Variants in SCYL1 observed in about 807,000 individuals in gnomAD.
The protein encoded by SCYL1 is N-terminal kinase-like protein.
In SCYL1, 85 loss-of-function variants were observed where a neutral mutation model predicts 94.8. The ratio of observed to expected loss-of-function variants is 0.90; its 90% CI spans 0.75 to 1.07. The LOEUF is 1.07. SCYL1 is among the 50% of genes least tolerant of loss of function. The probability of loss-of-function intolerance (pLI) is 0.00; values close to 1 mark genes in which losing one functional copy is unlikely to be tolerated. For synonymous variants in SCYL1, 459 were observed against 435.5 expected (o/e 1.05, Z -0.67); for missense variants, 968 against 1,083.3 (o/e 0.89, Z 1.49).
In SCYL1 at chr11:65,536,249, T is replaced by C; in HGVS notation, c.1576-10T>C. 1.2e-6 allele frequency: 2 copies of C among 1,613,034 alleles called. No individual in the cohort carries two copies. The highest frequency in any genetic ancestry group is 1.7e-6 in the Non-Finnish European group (2 of 1,179,092). On this transcript the variant is annotated splice_polypyrimidine_tract_variant and intron_variant, in intron 11 of 17. Coordinates refer to ENST00000270176, the MANE Select transcript of SCYL1 (RefSeq NM_020680.4). The stretch of plus-strand genomic sequence containing the variant: ...CCCAGAGACCCCAGCTCTGCCTCGT[T>C]ACCCCACAGGCCTTCAAGGCCATTC...
chr11:65,538,334 T>G lies in SCYL1; in HGVS notation c.2302+10T>G. 6.5e-7 allele frequency: 1 copy of G among 1,545,640 alleles called. No individual in the cohort carries two copies. The highest frequency in any genetic ancestry group is 8.7e-7 in the Non-Finnish European group (1 of 1,143,526). ...CTCGAGACTGACAGTCGTAAGTGCTTCCCCTGGGTGGGCTGAAGACTAGGG... is the reference window on the plus strand; with the variant it reads ...CTCGAGACTGACAGTCGTAAGTGCTGCCCCTGGGTGGGCTGAAGACTAGGG... On this transcript the variant is annotated intron_variant, in intron 17 of 17. Transcript: ENST00000270176.
chr11:65,525,362 G>T (rs1395599989), intron 1 of SCYL1, 98 bp downstream of exon 1: 2 of 1,098,900 alleles, frequency 1.8e-6, no homozygotes, highest in African/African-American at 3.3e-5. Flanking sequence ...ACGTGGCGGC[G>T]GAACCAAGGG....
In SCYL1 at chr11:65,525,280, C is replaced by A. The variant is rs576324382; in HGVS notation, c.111+16C>A. On this transcript the variant is annotated intron_variant, in intron 1 of 17. Transcript: ENST00000270176. Reference sequence around the variant, plus strand: ...CCGCAAGAAGGTGAGTGCGGCCGAGCTCCGTAGGCCGCGGTCGACCTGGGC... The same window carrying A: ...CCGCAAGAAGGTGAGTGCGGCCGAGATCCGTAGGCCGCGGTCGACCTGGGC... The A allele has an allele frequency of 7.1e-7, 1 of 1,399,936 alleles. No individual in the cohort carries two copies. The highest frequency in any genetic ancestry group is 9.4e-7 in the Non-Finnish European group (1 of 1,066,686). The allele number at this position is 1,399,936 out of a possible 1,614,324, so 86.7% of individuals were successfully genotyped here.
intron 9 of SCYL1, 97 bp from the exon 10 acceptor site, chr11:65,535,130 T>C: frequency 1.3e-6 from 2 of 1,498,322 alleles, no homozygotes; most frequent in East Asian, 2.3e-5. Flanking sequence ...CAGGCTTTGA[T>C]GGGTGTGCTC....
intron 8 of SCYL1, 58 bp downstream of exon 8, chr11:65,531,741 G>T: frequency 7.6e-7 from 1 of 1,308,714 alleles, no homozygotes; most frequent in South Asian, 1.2e-5. Flanking sequence ...CTGGTGGCTG[G>T]GGAGGCACCT....
intron 2 of SCYL1, 60 bp from the exon 3 acceptor site, chr11:65,525,861 G>A: frequency 6.3e-7 from 1 of 1,589,406 alleles, no homozygotes; most frequent in South Asian, 1.1e-5. Flanking sequence ...ACTTCAAGTC[G>A]CTTATCTCTC....
chr11:65,529,104 C>T (rs2135046987), intron 6 of SCYL1, among the ~76,000 whole-genome samples: 1 of 152,274 alleles, frequency 6.6e-6, no homozygotes, highest in East Asian at 1.9e-4. Flanking sequence ...ACAGCGGGGG[C>T]TGAGAATCAG....
At chr11:65,535,799 G>A in intron 10 of SCYL1, 154 bp from the exon 11 acceptor site, 1 of 766,500 alleles carries the variant, frequency 1.3e-6, no homozygotes, top group South Asian at 2.0e-5. Flanking sequence ...CAGGTCCAGA[G>A]TTTTAGGTCA....
rs369392939 is a variant in SCYL1 at position 65,525,987 on chromosome 11, G to A, written c.319G>A (p.Val107Met). The A allele has an allele frequency of 6.2e-7, 1 of 1,613,482 alleles. No homozygotes were observed. Among genetic ancestry groups the A allele is most frequent in the Admixed American group, 1.7e-5 (1 of 60,024 alleles). The stretch of plus-strand genomic sequence containing the variant: ...GTTGGGAATATACCTCAAGGCGAGA[G>A]TGGAGGCTGGTGGCCTGAAGGAGCT... ...TPLGIYLKAR[V>M]EAGGLKELEI... The change falls in exon 3 of 18, where the codon GTG (valine) becomes ATG (methionine). Residue 107 changes from valine (V) to methionine (M), a missense_variant. Val to Met is a conservative substitution (Grantham distance 21). Around this residue, in one of 2 missense-constraint regions of SCYL1, gnomAD observed 494 missense variants for 619.7 expected, o/e 0.80. Transcript: ENST00000270176.
At position 65,526,569 on chromosome 11, in the gene SCYL1, A is replaced by G. The variant is rs749789970; in HGVS notation, c.603-214A>G. On this transcript the variant is annotated intron_variant, in intron 4 of 17. Transcript: ENST00000270176. This position sits in a 1 kb window ranked among gnomAD's most constrained non-coding sequence, Gnocchi z 4.1. ...GGGGTTGGGTGATTCTGAACTTGAA[A>G]GCTCTGTGACCTGGACAGATGTGCC... Among the ~76,000 whole-genome samples, 13 of 152,184 alleles carry G rather than the reference A, an allele frequency of 8.5e-5. No homozygotes were observed. The highest frequency in any genetic ancestry group is 3.4e-3 in the Middle Eastern group (1 of 294).
chr11:65,534,270 G>A (rs1362648248), intron 9 of SCYL1, among the ~76,000 whole-genome samples: 2 of 152,014 alleles, frequency 1.3e-5, no homozygotes, highest in Non-Finnish European at 2.9e-5. Flanking sequence ...AAATTAGCCA[G>A]GCATGGTGGT....
chr11:65,527,187 TACCTCACAATTG>T, intron 6 of SCYL1, 70 bp downstream of exon 6: 1 of 1,542,292 alleles, frequency 6.5e-7, no homozygotes, highest in Middle Eastern at 1.7e-4. Context: ...CTTTTCAGGG[TACCTCACAATTG>T]ACCCTCAGGA....
chr11:65,538,060 C>G lies in SCYL1; in HGVS notation c.2125C>G (p.Pro709Ala). Reference sequence around the variant, plus strand: ...CTCCTGGGAACAGGGCTGGCAGGAGCCAAGCTCCCAGGAGCCACCTCCTGA... The same window carrying G: ...CTCCTGGGAACAGGGCTGGCAGGAGGCAAGCTCCCAGGAGCCACCTCCTGA... ...EGSWEQGWQE[P>A]SSQEPPPDGT... is the part of the protein sequence containing the mutation. Residue 709 changes from proline (P) to alanine (A), a missense_variant, in exon 16 of 18, where the codon CCA (proline) becomes GCA (alanine). By Grantham distance (27) the Pro-to-Ala change is conservative (BLOSUM62 -1). This residue lies in a region of SCYL1 where 474 missense variants were observed against 463.6 expected (regional missense o/e 1.02). Coordinates refer to ENST00000270176, the MANE Select transcript of SCYL1 (RefSeq NM_020680.4). 2 of 1,609,414 alleles carry G rather than the reference C, an allele frequency of 1.2e-6. No homozygotes were observed. Among genetic ancestry groups the G allele is most frequent in the Non-Finnish European group, 1.7e-6 (2 of 1,178,352 alleles).
chr11:65,525,486 G>C (rs1377394274), intron 1 of SCYL1, 88 bp from the exon 2 acceptor site: 1 of 1,516,954 alleles, frequency 6.6e-7, no homozygotes, highest in Non-Finnish European at 8.9e-7. Context: ...CCCTAAGGCT[G>C]ACCTGGGGAG....
chr11:65,537,989 C>T lies in SCYL1; in HGVS notation c.2054C>T (p.Ser685Phe). The T allele has an allele frequency of 6.2e-7, 1 of 1,612,246 alleles. No homozygotes were observed. Among genetic ancestry groups the T allele is most frequent in the East Asian group, 2.2e-5 (1 of 44,790 alleles). The change falls in exon 16 of 18, where the codon TCC (serine) becomes TTC (phenylalanine). Residue 685 changes from serine to phenylalanine, a missense_variant. By Grantham distance (155) the Ser-to-Phe change is radical. Transcript: ENST00000270176. Reference protein sequence around the residue: ...ASQVSNSDHKSSKSPESDWSS... With the variant: ...ASQVSNSDHKFSKSPESDWSS... ...CAGGTCAGCAACTCCGACCACAAAT[C>T]CTCCAAATCCCCAGAGTCCGACTGG...
chr11:65,532,447 T>TA (rs1195744574), intron 8 of SCYL1, among the ~76,000 whole-genome samples: 1 of 119,438 alleles, frequency 8.4e-6, no homozygotes, highest in Non-Finnish European at 1.8e-5. Flanking sequence ...AAAAAAAAAA[T>TA]AGAAGAGGCT....
At chr11:65,529,036 G>C (rs1855235683) in intron 6 of SCYL1, among the ~76,000 whole-genome samples, 1 of 152,190 alleles carries the variant, frequency 6.6e-6, no homozygotes, top group African/African-American at 2.4e-5. Flanking sequence ...TTGCTGTAGG[G>C]AGGAGGGAGG....
rs576776296 is a variant in SCYL1 at position 65,538,134 on chromosome 11, C to T, written c.2199C>T (p.Ser733=). Residue 733 remains serine, a synonymous_variant, in exon 16 of 18, where the codon AGC becomes AGT. Coordinates refer to ENST00000270176, the MANE Select transcript of SCYL1 (RefSeq NM_020680.4). ...ATAACTGGGGTGGCCCAGAGTCCAG[C>T]GACAAGGGCGACCCCTTCGCTACCC... ...SEYNWGGPES[S]DKGDPFATLS... 719 of 1,600,716 alleles carry T rather than the reference C, an allele frequency of 4.5e-4. 5 individuals are homozygous for T. The South Asian group carries it at 7.6e-3, about 17-fold the overall frequency.
At position 65,535,049 on chromosome 11, in the gene SCYL1, G is replaced by C; in HGVS notation, c.1231-178G>C. 5.7e-6 allele frequency: 4 copies of C among 706,744 alleles called. No homozygotes were observed. The Admixed American group carries it at 8.8e-5, about 15-fold the overall frequency. The allele number at this position is 706,744 out of a possible 1,614,324, so 43.8% of individuals were successfully genotyped here. A position where few individuals can be genotyped will look rare whatever the true frequency, so the allele number is the denominator to read the frequency against. On this transcript the variant is annotated intron_variant, in intron 9 of 17. Transcript: ENST00000270176. ...CAGACTTTGGAGGTTTTGCTGTAAA[G>C]GGGGACAGAAATGGGGTCCCTTTCT...
Sources: gnomAD v4.1 joint callset for allele counts (sites outside exome capture counted in the v4.1 genomes callset) on GRCh38, gnomAD v4.1.1 for gene constraint, gnomAD v4.1.1 regional missense constraint, Gnocchi (gnomAD v3.1) non-coding constraint, MANE v1.5 for transcripts, NCBI Gene and HGNC (gene_info 2026-07-23, HGNC 2026-07-21) for gene names.